PLEKHH2: variants seen among roughly 807,000 people sequenced by gnomAD.
PLEKHH2 encodes pleckstrin homology, MyTH4 and FERM domain containing H2, also known as pleckstrin homology domain-containing family H member 2.
Under a neutral mutation model 187.9 loss-of-function variants are expected in PLEKHH2, and 129 were observed. That is an observed-to-expected ratio of 0.69 (90% CI 0.59 to 0.79). The LOEUF (loss-of-function observed/expected upper bound fraction) is 0.79, where lower values mean the gene tolerates loss of function less well. PLEKHH2 is among the 30% of genes least tolerant of loss of function. The probability of loss-of-function intolerance (pLI) is 0.00; values close to 1 mark genes in which losing one functional copy is unlikely to be tolerated. For missense variants in PLEKHH2, 2,076 were observed against 1,751.2 expected (o/e 1.19, Z -3.31); for synonymous variants, 686 against 605.6 (o/e 1.13, Z -1.95).
At chr2:43,758,870 TTTTG>T in intron 26 of PLEKHH2, 26 bp from the exon 27 acceptor site, 4 of 1,549,080 alleles carry the variant, frequency 2.6e-6, no homozygotes, top group Non-Finnish European at 3.5e-6. Flanking sequence ...GCTTTAGTGT[TTTTG>T]TTTTTGTTCT....
intron 7 of PLEKHH2, among the ~76,000 whole-genome samples, chr2:43,698,336 C>G (rs1474089907): frequency 6.6e-6 from 1 of 151,920 alleles, no homozygotes; most frequent in Non-Finnish European, 1.5e-5. Context: ...CGGCCTTGAC[C>G]TCCCAGACTC....
chr2:43,738,437 C>T lies in PLEKHH2; in HGVS notation c.3040C>T (p.Pro1014Ser). ...TGCTTTGCAAATCTGCCTGACACAT[C>T]CTGAGCTGCAGAATGAAATTTGCTG... is the stretch of plus-strand genomic sequence containing the variant. The part of the protein sequence containing the change: ...QSALQICLTH[P>S]ELQNEICCQL... Residue 1014 changes from proline (P) to serine (S), a missense_variant, in exon 20 of 30, where the codon CCT (proline) becomes TCT (serine). Transcript: ENST00000282406. The T allele has an allele frequency of 6.2e-7, 1 of 1,614,022 alleles. No homozygotes were observed. Among genetic ancestry groups the T allele is most frequent in the Admixed American group, 1.7e-5 (1 of 60,002 alleles).
intron 3 of PLEKHH2, among the ~76,000 whole-genome samples, chr2:43,691,565 A>G (rs1213365989): frequency 6.6e-6 from 1 of 152,242 alleles, no homozygotes; most frequent in African/African-American, 2.4e-5. Context: ...AGGATTTACC[A>G]GGGACTGTTT....
At chr2:43,653,347 TCAAAAGCAC>T (rs1357670528) in intron 2 of PLEKHH2, among the ~76,000 whole-genome samples, 1 of 152,202 alleles carries the variant, frequency 6.6e-6, no homozygotes, top group Non-Finnish European at 1.5e-5. Context: ...TTCAGACCTT[TCAAAAGCAC>T]CACTAGAAAT....
chr2:43,685,423 T>G (rs1157756701), intron 3 of PLEKHH2, among the ~76,000 whole-genome samples: 1 of 151,986 alleles, frequency 6.6e-6, no homozygotes, highest in African/African-American at 2.4e-5. Context: ...CTAGTACATC[T>G]TTTTTTTGTT....
chr2:43,749,935 A>C (rs145385897), intron 24 of PLEKHH2, among the ~76,000 whole-genome samples: 2 of 152,344 alleles, frequency 1.3e-5, no homozygotes, highest in South Asian at 2.1e-4. Context: ...TCAGGTATGA[A>C]AGATCTAATT....
intron 15 of PLEKHH2, among the ~76,000 whole-genome samples, chr2:43,713,991 C>T (rs1049307391): frequency 4.6e-5 from 7 of 152,020 alleles, no homozygotes; most frequent in Non-Finnish European, 8.8e-5. Context: ...TTCTAAAATA[C>T]GACTGTGAAA....
intron 21 of PLEKHH2, among the ~76,000 whole-genome samples, chr2:43,742,222 G>C (rs1424334980): frequency 1.3e-5 from 2 of 151,912 alleles, no homozygotes; most frequent in Non-Finnish European, 1.5e-5. Flanking sequence ...GGTTGGTCTT[G>C]AACTCTCGAC....
intron 2 of PLEKHH2, chr2:43,675,228 C>T: frequency 2.1e-6 from 1 of 485,862 alleles, no homozygotes; most frequent in South Asian, 5.9e-5. Flanking sequence ...TGAAATATTA[C>T]TGAGATGTTT....
chr2:43,657,657 T>A (rs917012024), intron 2 of PLEKHH2, among the ~76,000 whole-genome samples: 1 of 152,234 alleles, frequency 6.6e-6, no homozygotes, highest in Non-Finnish European at 1.5e-5. Flanking sequence ...TCTGGTTGTC[T>A]AGCATAAACT....
In PLEKHH2 at chr2:43,711,743, A is replaced by G. The variant is rs867795910; in HGVS notation, c.2302-482A>G. The G allele has an allele frequency of 3.6e-5, 15 of 418,922 alleles. 1 individual carries two copies. Among genetic ancestry groups the G allele is most frequent in the South Asian group, 2.0e-4 (2 of 10,188 alleles). 26.0% of individuals were successfully genotyped at this position (418,922 alleles called of 1,614,324 possible). A position where few individuals can be genotyped will look rare whatever the true frequency, so the allele number is the denominator to read the frequency against. ...CGTCTCTACTAAAAATTCAAAAAAAATTATCCGGGCATGGTGGCAGGTGCC... is the reference window on the plus strand; with the variant it reads ...CGTCTCTACTAAAAATTCAAAAAAAGTTATCCGGGCATGGTGGCAGGTGCC... On this transcript the variant is annotated intron_variant, in intron 14 of 29. Coordinates refer to ENST00000282406, the MANE Select transcript of PLEKHH2 (RefSeq NM_172069.4).
chr2:43,740,768 C>T, intron 20 of PLEKHH2, 178 bp from the exon 21 acceptor site: 1 of 1,169,142 alleles, frequency 8.6e-7, no homozygotes, highest in Non-Finnish European at 1.1e-6. Flanking sequence ...TAGATCTGAC[C>T]CAATGTAGAG....
chr2:43,737,591 G>A (rs529294414), intron 19 of PLEKHH2, among the ~76,000 whole-genome samples: 9 of 152,246 alleles, frequency 5.9e-5, no homozygotes, highest in African/African-American at 2.2e-4. Flanking sequence ...GAATGGGGCT[G>A]GAGGATTCCA....
chr2:43,714,914 G>A (rs147168463), intron 15 of PLEKHH2, among the ~76,000 whole-genome samples: 33 of 152,302 alleles, frequency 2.2e-4, no homozygotes, highest in Admixed American at 3.9e-4. Context: ...CTTCAAGGAG[G>A]AGTAGGAGTT....
At chr2:43,728,562 CTTT>C (rs112664271) in intron 17 of PLEKHH2, among the ~76,000 whole-genome samples, 27,391 of 135,642 alleles carry the variant, frequency 0.2, 3,740 homozygotes, top group African/African-American at 0.39. Context: ...ACACAATACT[CTTT>C]TTTTTTTTTT....
Position 43,677,787 on chromosome 2 carries a change from G to A in PLEKHH2, c.124-1076G>A, listed in dbSNP as rs554096407. ...CCAGTAGGGGTGGCTGGGCAGAGGC[G>A]CCCCTCACCTCCCGCACCGGGCAGC... On this transcript the variant is annotated intron_variant, in intron 2 of 29. Transcript: ENST00000282406. 3.4e-4 allele frequency among the ~76,000 whole-genome samples: 51 copies of A among 150,870 alleles called. 1 individual carries two copies. The highest frequency in any genetic ancestry group is 1.1e-3 in the African/African-American group (45 of 41,090).
At chr2:43,681,400 G>A (rs971555661) in intron 3 of PLEKHH2, 2 of 1,549,808 alleles carry the variant, frequency 1.3e-6, no homozygotes, top group Non-Finnish European at 1.7e-6. Flanking sequence ...TGTCGACTTT[G>A]TTCTTTCCTT....
chr2:43,758,551 C>T (rs768533649), intron 26 of PLEKHH2, among the ~76,000 whole-genome samples: 8 of 152,170 alleles, frequency 5.3e-5, no homozygotes, highest in Non-Finnish European at 1.0e-4. Flanking sequence ...CTGCACCGGG[C>T]CTGTACTTTT....
intron 21 of PLEKHH2, 33 bp downstream of exon 21, chr2:43,741,076 T>C: frequency 1.3e-6 from 2 of 1,553,624 alleles, no homozygotes; most frequent in South Asian, 2.3e-5. Flanking sequence ...GAACTGTTTA[T>C]GTGGCCTCTG....
Sources: gnomAD v4.1 joint callset for allele counts (sites outside exome capture counted in the v4.1 genomes callset) on GRCh38, gnomAD v4.1.1 for gene constraint, MANE v1.5 for transcripts, NCBI Gene and HGNC (gene_info 2026-07-23, HGNC 2026-07-21) for gene names.